Variants in MCHR2 observed in about 807,000 individuals in gnomAD.
The protein encoded by MCHR2 is melanin-concentrating hormone receptor 2.
MCHR2 carries 15 observed loss-of-function variants against 24.8 expected under a neutral mutation model. That is an observed-to-expected ratio of 0.60 (90% CI 0.40 to 0.93). The LOEUF is 0.93. MCHR2 is among the 40% of genes least tolerant of loss of function. The pLI, the probability that MCHR2 is intolerant of heterozygous loss-of-function variation, is 0.00. For missense variants in MCHR2, 386 were observed against 408.7 expected (o/e 0.94, Z 0.48); for synonymous variants, 151 against 147.6 (o/e 1.02, Z -0.17).
intron 1 of MCHR2, among the ~76,000 whole-genome samples, chr6:99,987,263 G>A (rs1201421062): frequency 6.6e-6 from 1 of 151,924 alleles, no homozygotes; most frequent in African/African-American, 2.4e-5. Flanking sequence ...ACTGCACCCG[G>A]CTAATCCTTA....
At chr6:99,978,822 T>C (rs901008675) in intron 1 of MCHR2, among the ~76,000 whole-genome samples, 3 of 152,206 alleles carry the variant, frequency 2.0e-5, no homozygotes, top group African/African-American at 4.8e-5. Context: ...AAATGTACCC[T>C]GCTTCACAGT....
chr6:99,965,638 A>G (rs1277065300), intron 1 of MCHR2, among the ~76,000 whole-genome samples: 3 of 152,176 alleles, frequency 2.0e-5, no homozygotes, highest in African/African-American at 7.2e-5. Context: ...TACAAAATGT[A>G]AAATAACCAG....
At chr6:99,935,846 C>T (rs1024209244) in intron 4 of MCHR2, among the ~76,000 whole-genome samples, 1 of 151,876 alleles carries the variant, frequency 6.6e-6, no homozygotes, top group Non-Finnish European at 1.5e-5. Context: ...TGTTCACATC[C>T]TTGTCAGCAT....
intron 1 of MCHR2, among the ~76,000 whole-genome samples, chr6:99,979,534 TTAA>T (rs1775624258): frequency 6.6e-6 from 1 of 152,346 alleles, no homozygotes; most frequent in South Asian, 2.1e-4. Context: ...AAATAAATCC[TTAA>T]TAATTACTTT....
At position 99,994,205 on chromosome 6, in the gene MCHR2, G is replaced by A. The variant is rs112748388; in HGVS notation, c.-297C>T. 6.6e-6 allele frequency: 1 copy of A among 152,184 alleles called. No homozygotes were observed. Among genetic ancestry groups the A allele is most frequent in the Non-Finnish European group, 1.5e-5 (1 of 68,028 alleles). 9.4% of individuals were successfully genotyped at this position (152,184 alleles called of 1,614,324 possible). On this transcript the variant is annotated 5_prime_UTR_variant, in exon 1 of 6. Coordinates refer to ENST00000281806, the MANE Select transcript of MCHR2 (RefSeq NM_001040179.2). ...CCACTTCATCCAATCCGAGCATCGG[G>A]TGCGTCGTGCTCTTTTCTAGGAGCG...
chr6:99,986,120 T>C (rs898445086), intron 1 of MCHR2, among the ~76,000 whole-genome samples: 5 of 151,992 alleles, frequency 3.3e-5, no homozygotes, highest in Non-Finnish European at 5.9e-5. Flanking sequence ...AAAACCATAA[T>C]GAGATACCAC....
At chr6:99,956,939 A>T (rs188953760) in intron 1 of MCHR2, among the ~76,000 whole-genome samples, 171 of 147,362 alleles carry the variant, frequency 1.2e-3, no homozygotes, top group Non-Finnish European at 2.2e-3. Context: ...AATATGCTGG[A>T]CAAAATGTGT....
intron 1 of MCHR2, among the ~76,000 whole-genome samples, chr6:99,991,639 C>G (rs1318398407): frequency 2.0e-5 from 3 of 151,912 alleles, no homozygotes; most frequent in Non-Finnish European, 4.4e-5. Flanking sequence ...AACCCAGTCT[C>G]TACTAAAAAT....
intron 3 of MCHR2, 58 bp from the exon 4 acceptor site, chr6:99,943,201 G>A (rs1253618367): frequency 7.0e-7 from 1 of 1,421,406 alleles, no homozygotes; most frequent in Non-Finnish European, 9.6e-7. Flanking sequence ...GAGCTCCAAG[G>A]ATGAAAGGTT....
At chr6:99,924,135 G>T (rs890891786) in intron 5 of MCHR2, among the ~76,000 whole-genome samples, 1 of 151,954 alleles carries the variant, frequency 6.6e-6, no homozygotes, top group African/African-American at 2.4e-5. Flanking sequence ...TTCAATCTTG[G>T]TAGGTTATAT....
intron 1 of MCHR2, among the ~76,000 whole-genome samples, chr6:99,972,599 G>T (rs1056682660): frequency 6.6e-6 from 1 of 152,072 alleles, no homozygotes; most frequent in African/African-American, 2.4e-5. Context: ...CTTGCCTTCT[G>T]CTAGCTTTTG....
intron 1 of MCHR2, among the ~76,000 whole-genome samples, chr6:99,970,377 C>T (rs1304989059): frequency 6.6e-6 from 1 of 152,126 alleles, no homozygotes; most frequent in African/African-American, 2.4e-5. Context: ...AGTGTCTGTT[C>T]ATATCCTTTG....
chr6:99,959,094 G>T (rs950375567), intron 1 of MCHR2, among the ~76,000 whole-genome samples: 12 of 152,068 alleles, frequency 7.9e-5, no homozygotes, highest in African/African-American at 2.9e-4. Flanking sequence ...GGTTTCCAGA[G>T]GGACTGGTTT....
chr6:99,969,202 G>T (rs770966826), intron 1 of MCHR2, among the ~76,000 whole-genome samples: 2 of 152,066 alleles, frequency 1.3e-5, no homozygotes, highest in Admixed American at 6.6e-5. Context: ...AGGGCCAGGC[G>T]TGGTGGCTCA....
rs1774170032 is a variant in MCHR2 at position 99,918,956 on chromosome 6, T to C, written c.*1984A>G. Among the ~76,000 whole-genome samples, 1 of 152,180 alleles carries C rather than the reference T, an allele frequency of 6.6e-6. No homozygotes were observed. Among genetic ancestry groups the C allele is most frequent in the South Asian group, 2.1e-4 (1 of 4,832 alleles). On this transcript the variant is annotated 3_prime_UTR_variant, in exon 6 of 6. Coordinates refer to ENST00000281806, the MANE Select transcript of MCHR2 (RefSeq NM_001040179.2). Reference sequence around the variant, plus strand: ...AGCTAAGTCTTTAAAATCATAATATTTTTCTGTATTAAAAAAACAATGAAA... The same window carrying C: ...AGCTAAGTCTTTAAAATCATAATATCTTTCTGTATTAAAAAAACAATGAAA...
chr6:99,952,845 CT>C (rs1774991253), intron 2 of MCHR2, among the ~76,000 whole-genome samples: 1 of 152,028 alleles, frequency 6.6e-6, no homozygotes, highest in Non-Finnish European at 1.5e-5. Context: ...GTTCCTGATA[CT>C]TTTTGAAAGA....
chr6:99,980,949 G>C (rs1775658082), intron 1 of MCHR2, among the ~76,000 whole-genome samples: 1 of 152,146 alleles, frequency 6.6e-6, no homozygotes, highest in African/African-American at 2.4e-5. Context: ...ATGATAAAAA[G>C]TTATTACATA....
chr6:99,964,958 C>T (rs147698347), intron 1 of MCHR2, among the ~76,000 whole-genome samples: 2 of 152,078 alleles, frequency 1.3e-5, no homozygotes, highest in African/African-American at 4.8e-5. Flanking sequence ...ATTACTAGGG[C>T]TACATATAAT....
chr6:99,926,709 TGAG>T (rs1467641287), intron 5 of MCHR2, among the ~76,000 whole-genome samples: 3 of 152,238 alleles, frequency 2.0e-5, no homozygotes, highest in Non-Finnish European at 4.4e-5. Context: ...TAAATCTGTT[TGAG>T]TTCATTGTAG....
Sources: allele counts gnomAD v4.1 joint callset (sites outside exome capture counted in the v4.1 genomes callset), GRCh38; gene constraint gnomAD v4.1.1; transcripts MANE v1.5; gene names NCBI Gene and HGNC (gene_info 2026-07-23, HGNC 2026-07-21).